Variants in EIF2A observed in about 807,000 individuals in gnomAD.
EIF2A encodes the protein eukaryotic translation initiation factor 2A, also known as 65 kDa eukaryotic translation initiation factor 2A.
In EIF2A, 62 loss-of-function variants were observed where a neutral mutation model predicts 75.2. The ratio of observed to expected loss-of-function variants is 0.82; its 90% CI spans 0.67 to 1.02. The LOEUF (loss-of-function observed/expected upper bound fraction) is 1.02, where lower values mean the gene tolerates loss of function less well. Among genes scored for constraint, EIF2A ranks in the 50% least tolerant of loss-of-function variants. The pLI is 0.00. For missense variants in EIF2A, 611 were observed against 677.7 expected (o/e 0.90, Z 1.09); for synonymous variants, 207 against 239.0 (o/e 0.87, Z 1.23).
At chr3:150,568,705 CAGG>C (rs2107939262) in intron 9 of EIF2A, among the ~76,000 whole-genome samples, 1 of 152,168 alleles carries the variant, frequency 6.6e-6, no homozygotes, top group African/African-American at 2.4e-5. Flanking sequence ...CATTTGAACT[CAGG>C]AGTTCAAGAC....
At chr3:150,577,700 C>A (rs957405690) in intron 11 of EIF2A, among the ~76,000 whole-genome samples, 1 of 151,764 alleles carries the variant, frequency 6.6e-6, no homozygotes, top group African/African-American at 2.4e-5. Context: ...GGATTACAGG[C>A]GTGAGCCACT....
Position 150,558,487 on chromosome 3 carries a change from T to C in EIF2A, c.173+25T>C, listed in dbSNP as rs79583943. On this transcript the variant is annotated intron_variant, in intron 3 of 13. Coordinates refer to ENST00000460851, the MANE Select transcript of EIF2A (RefSeq NM_032025.5). ...AGTTAGTGTTCATTTACATAACATA[T>C]TTTGTGTGTCACGAATATAAACACA... The C allele has an allele frequency of 3.9e-4, 572 of 1,462,112 alleles. 4 individuals carry two copies. The East Asian group carries it at 0.013, about 33-fold the overall frequency. The allele number at this position is 1,462,112 out of a possible 1,614,324, so 90.6% of individuals were successfully genotyped here.
In EIF2A at chr3:150,568,016, G is replaced by A. The variant is rs1204787318; in HGVS notation, c.664G>A (p.Asp222Asn). The A allele has an allele frequency of 6.2e-7, 1 of 1,611,544 alleles. No individual in the cohort carries two copies. Among genetic ancestry groups the A allele is most frequent in the Non-Finnish European group, 8.5e-7 (1 of 1,179,264 alleles). ...AGCTAATAAAAGTTTCTTTAAGGCA[G>A]ATAAAGTTACAATGCTGTGGAATAA... ...ALANKSFFKA[D>N]KVTMLWNKKA... The change falls in exon 8 of 14, where the codon GAT becomes AAT. Residue 222 changes from aspartate to asparagine, a missense_variant. Physicochemically the swap from Asp to Asn is conservative, Grantham distance 23. Transcript: ENST00000460851.
chr3:150,553,742 T>C (rs764815735), intron 2 of EIF2A, among the ~76,000 whole-genome samples: 3 of 152,206 alleles, frequency 2.0e-5, no homozygotes, highest in African/African-American at 4.8e-5. Flanking sequence ...AAAGTTGATA[T>C]TGTCATTTGA....
chr3:150,549,708 A>G (rs368056339), intron 1 of EIF2A, among the ~76,000 whole-genome samples: 4 of 152,118 alleles, frequency 2.6e-5, no homozygotes, highest in Admixed American at 6.5e-5. Flanking sequence ...ACTTTTAATC[A>G]TGTAGTCAGG....
In EIF2A at chr3:150,584,066, A is replaced by C; in HGVS notation, c.*155A>C. Reference sequence around the variant, plus strand: ...GATTCTACTAAGTGTAAAATTATTTAATAATGTCTATTAAATTGATATTTA... The same window carrying C: ...GATTCTACTAAGTGTAAAATTATTTCATAATGTCTATTAAATTGATATTTA... On this transcript the variant is annotated 3_prime_UTR_variant, in exon 14 of 14. Transcript: ENST00000460851. 1 of 641,868 alleles carries C rather than the reference A, an allele frequency of 1.6e-6. No homozygotes were observed. The highest frequency in any genetic ancestry group is 2.9e-5 in the East Asian group (1 of 34,208). 39.8% of individuals were successfully genotyped at this position (641,868 alleles called of 1,614,324 possible). A position where few individuals can be genotyped will look rare whatever the true frequency, so the allele number is the denominator to read the frequency against.
chr3:150,553,478 G>A (rs925651108), intron 2 of EIF2A, among the ~76,000 whole-genome samples: 1 of 151,928 alleles, frequency 6.6e-6, no homozygotes, highest in African/African-American at 2.4e-5. Flanking sequence ...GTGCAATCTC[G>A]GCTTAATGCA....
intron 3 of EIF2A, among the ~76,000 whole-genome samples, chr3:150,558,974 A>G (rs927863295): frequency 7.2e-5 from 11 of 152,200 alleles, no homozygotes; most frequent in Admixed American, 5.2e-4. Flanking sequence ...ACAAAAAATT[A>G]TGTTGATTAA....
Position 150,568,213 on chromosome 3 carries a change from C to T in EIF2A, c.732C>T (p.Asp244=). Residue 244 remains aspartate (D), a synonymous_variant, in exon 9 of 14, where the codon GAC becomes GAT. Coordinates refer to ENST00000460851, the MANE Select transcript of EIF2A (RefSeq NM_032025.5). Reference sequence around the variant, plus strand: ...TGGTAATAGCTAGCACAGATGTTGACAAGACAGGAGCTTCCTACTATGGAG... The same window carrying T: ...TGGTAATAGCTAGCACAGATGTTGATAAGACAGGAGCTTCCTACTATGGAG... ...AVLVIASTDV[D]KTGASYYGEQ... 1 of 1,613,602 alleles carries T rather than the reference C, an allele frequency of 6.2e-7. No homozygotes were observed. Among genetic ancestry groups the T allele is most frequent in the Non-Finnish European group, 8.5e-7 (1 of 1,179,740 alleles).
intron 1 of EIF2A, among the ~76,000 whole-genome samples, chr3:150,547,385 T>C (rs1034148148): frequency 6.6e-6 from 1 of 152,200 alleles, no homozygotes; most frequent in Non-Finnish European, 1.5e-5. Flanking sequence ...GATAGAGATA[T>C]TCTAGCAACA....
intron 1 of EIF2A, chr3:150,547,156 G>A (rs1448749595): frequency 5.2e-6 from 2 of 388,340 alleles, no homozygotes; most frequent in African/African-American, 4.0e-5. Flanking sequence ...TGTTACACGG[G>A]CCCTTGTGAA....
At chr3:150,573,884 A>G (rs1275093624) in intron 10 of EIF2A, among the ~76,000 whole-genome samples, 1 of 152,114 alleles carries the variant, frequency 6.6e-6, no homozygotes, top group Non-Finnish European at 1.5e-5. Context: ...AAGAATATTT[A>G]TTAGCTTTCC....
intron 2 of EIF2A, chr3:150,552,904 C>G (rs573857320): frequency 6.5e-6 from 1 of 153,214 alleles, no homozygotes; most frequent in African/African-American, 2.4e-5. Context: ...AAATGCTTAT[C>G]TATAGGGGGA....
chr3:150,546,795 G>A lies in EIF2A; in HGVS notation c.-8G>A. 2 of 1,612,444 alleles carry A rather than the reference G, an allele frequency of 1.2e-6. No individual in the cohort carries two copies. The highest frequency in any genetic ancestry group is 1.7e-6 in the Non-Finnish European group (2 of 1,179,892). On this transcript the variant is annotated 5_prime_UTR_variant, in exon 1 of 14. Coordinates refer to ENST00000460851, the MANE Select transcript of EIF2A (RefSeq NM_032025.5). ...TCTCACCCGAGCGGTTTCTCTTTCC[G>A]GGACAACATGGCGCCGTCCACGCCG...
chr3:150,568,417 G>C, intron 9 of EIF2A, 125 bp downstream of exon 9: 1 of 761,548 alleles, frequency 1.3e-6, no homozygotes. Context: ...TAACCTTTAA[G>C]ATAAAATTTT....
intron 8 of EIF2A, 54 bp downstream of exon 8, chr3:150,568,100 T>C: frequency 6.3e-7 from 1 of 1,598,970 alleles, no homozygotes; most frequent in Non-Finnish European, 8.5e-7. Context: ...TAATTTAGGC[T>C]ATATTCCTAT....
At chr3:150,551,638 G>C (rs540790992) in intron 1 of EIF2A, among the ~76,000 whole-genome samples, 9 of 152,114 alleles carry the variant, frequency 5.9e-5, no homozygotes, top group East Asian at 1.9e-4. Context: ...TGAGCCAGGA[G>C]CATCACTTAA....
At chr3:150,583,086 G>T in intron 12 of EIF2A, 114 bp from the exon 13 acceptor site, 1 of 864,836 alleles carries the variant, frequency 1.2e-6, no homozygotes, top group Middle Eastern at 2.3e-4. Flanking sequence ...GACCATTGTT[G>T]ATACAAATCT....
At position 150,568,005 on chromosome 3, in the gene EIF2A, T is replaced by G. The variant is rs764455998; in HGVS notation, c.653T>G (p.Phe218Cys). 2 of 1,612,778 alleles carry G rather than the reference T, an allele frequency of 1.2e-6. No homozygotes were observed. The highest frequency in any genetic ancestry group is 1.7e-6 in the Non-Finnish European group (2 of 1,179,552). The change falls in exon 8 of 14, where the codon TTC becomes TGC. Residue 218 changes from phenylalanine (F) to cysteine (C), a missense_variant. Coordinates refer to ENST00000460851, the MANE Select transcript of EIF2A (RefSeq NM_032025.5). ...CATGCAGCTTTAGCTAATAAAAGTT[T>G]CTTTAAGGCAGATAAAGTTACAATG... ...GPHAALANKSFFKADKVTMLW... is the reference protein window; with the variant it reads ...GPHAALANKSCFKADKVTMLW...
Sources: allele counts gnomAD v4.1 joint callset (sites outside exome capture counted in the v4.1 genomes callset), GRCh38; gene constraint gnomAD v4.1.1; transcripts MANE v1.5; gene names NCBI Gene and HGNC (gene_info 2026-07-23, HGNC 2026-07-21).